DCDC2: variants seen among roughly 807,000 people sequenced by gnomAD.
DCDC2 encodes doublecortin domain-containing protein 2.
Under a neutral mutation model 50.2 loss-of-function variants are expected in DCDC2, and 40 were observed. That is an observed-to-expected ratio of 0.80 (90% CI 0.62 to 1.04). The LOEUF (loss-of-function observed/expected upper bound fraction) is 1.04. Ranked by LOEUF, DCDC2 falls within the 50% of genes least tolerant of loss-of-function variation. The probability of loss-of-function intolerance (pLI) is 0.00; values close to 1 mark genes in which losing one functional copy is unlikely to be tolerated. For missense variants in DCDC2, 570 were observed against 581.9 expected (o/e 0.98, Z 0.21); for synonymous variants, 234 against 210.6 (o/e 1.11, Z -0.96).
At chr6:24,189,033 ATAAG>A (rs1761260869) in intron 8 of DCDC2, among the ~76,000 whole-genome samples, 1 of 152,136 alleles carries the variant, frequency 6.6e-6, no homozygotes, top group Non-Finnish European at 1.5e-5. Flanking sequence ...ATTATTAATT[ATAAG>A]TAATTGCTCG....
intron 2 of DCDC2, among the ~76,000 whole-genome samples, chr6:24,305,097 G>A (rs554618960): frequency 1.1e-3 from 175 of 152,216 alleles, no homozygotes; most frequent in Admixed American, 2.2e-3. Flanking sequence ...TTGTTGCATT[G>A]TCTAAAACAT....
At chr6:24,199,614 G>T (rs1276550363) in intron 8 of DCDC2, among the ~76,000 whole-genome samples, 1 of 152,114 alleles carries the variant, frequency 6.6e-6, no homozygotes, top group Non-Finnish European at 1.5e-5. Flanking sequence ...TCCTCCAAAG[G>T]ATCACAACTC....
intron 2 of DCDC2, among the ~76,000 whole-genome samples, chr6:24,344,916 A>G (rs554453620): frequency 1.8e-3 from 269 of 152,304 alleles, no homozygotes; most frequent in African/African-American, 6.2e-3. Flanking sequence ...GTGGTGGGGG[A>G]AAAGGTATAA....
At chr6:24,240,903 TG>T (rs1188818383) in intron 7 of DCDC2, among the ~76,000 whole-genome samples, 5 of 152,234 alleles carry the variant, frequency 3.3e-5, no homozygotes, top group Non-Finnish European at 5.9e-5. Flanking sequence ...AATGGGCTCC[TG>T]GCTTGTGCAC....
chr6:24,319,187 G>A (rs1161705458), intron 2 of DCDC2, among the ~76,000 whole-genome samples: 1 of 151,962 alleles, frequency 6.6e-6, no homozygotes, highest in Non-Finnish European at 1.5e-5. Flanking sequence ...GATCAGTGAC[G>A]TTGAGCAGTT....
intron 2 of DCDC2, among the ~76,000 whole-genome samples, chr6:24,345,715 T>A (rs1760242553): frequency 1.3e-5 from 2 of 152,326 alleles, no homozygotes; most frequent in South Asian, 4.1e-4. Context: ...TTGAATTAGG[T>A]GAGCTTGACC....
At chr6:24,328,437 G>A (rs942937839) in intron 2 of DCDC2, among the ~76,000 whole-genome samples, 1 of 151,640 alleles carries the variant, frequency 6.6e-6, no homozygotes, top group African/African-American at 2.4e-5. Flanking sequence ...GAATATCTTA[G>A]GGCACAGGGG....
chr6:24,344,937 T>G (rs929435564), intron 2 of DCDC2, among the ~76,000 whole-genome samples: 4 of 152,212 alleles, frequency 2.6e-5, no homozygotes, highest in Non-Finnish European at 4.4e-5. Context: ...AATAAAAGTT[T>G]GGGGAGGGGC....
chr6:24,222,325 G>C (rs1451807412), intron 7 of DCDC2, among the ~76,000 whole-genome samples: 1 of 152,196 alleles, frequency 6.6e-6, no homozygotes, highest in Non-Finnish European at 1.5e-5. Context: ...GAACAGTCAA[G>C]AACTTTACCT....
At chr6:24,348,661 A>G (rs922537313) in intron 2 of DCDC2, among the ~76,000 whole-genome samples, 1 of 152,190 alleles carries the variant, frequency 6.6e-6, no homozygotes, top group Non-Finnish European at 1.5e-5. Flanking sequence ...ACTTTCTCAA[A>G]ACTTTGATCT....
chr6:24,359,355 A>ATATATATTT (rs1561789478), upstream of DCDC2, among the ~76,000 whole-genome samples: 2 of 33,500 alleles, frequency 6.0e-5, no homozygotes, highest in Admixed American at 5.2e-4. Flanking sequence ...TATATATTTT[A>ATATATATTT]TGTATATTAT....
rs9467097 is a variant in DCDC2 at position 24,276,768 on chromosome 6, C to T, written c.922+1281G>A. 1.2e-3 allele frequency among the ~76,000 whole-genome samples: 178 copies of T among 151,740 alleles called. 1 individual carries two copies. The highest frequency in any genetic ancestry group is 3.9e-3 in the African/African-American group (162 of 41,368). The stretch of plus-strand genomic sequence containing the variant: ...CCCTAGCCTCCTTGTTTGCTACTCA[C>T]GGGAAAGGACTGTACAAATTTCAAG... On this transcript the variant is annotated intron_variant, in intron 7 of 9. Coordinates refer to ENST00000378454, the MANE Select transcript of DCDC2 (RefSeq NM_016356.5).
intron 2 of DCDC2, among the ~76,000 whole-genome samples, chr6:24,306,931 T>C (rs555700812): frequency 1.3e-5 from 2 of 152,328 alleles, no homozygotes; most frequent in East Asian, 3.9e-4. Context: ...TCAAAATTGT[T>C]CCTTTAAAAA....
the DCDC2 span, among the ~76,000 whole-genome samples, chr6:24,376,681 C>T: frequency 3.5e-5 from 5 of 142,894 alleles, no homozygotes; most frequent in African/African-American, 5.4e-5. Flanking sequence ...CCCATTTTAC[C>T]TCCAGTATGA....
At chr6:24,192,708 A>AT (rs1761340667) in intron 8 of DCDC2, among the ~76,000 whole-genome samples, 2 of 151,830 alleles carry the variant, frequency 1.3e-5, no homozygotes, top group South Asian at 2.1e-4. Flanking sequence ...TGAGGCTTTT[A>AT]TTTTTTTTCA....
chr6:24,317,674 T>C (rs987633618), intron 2 of DCDC2, among the ~76,000 whole-genome samples: 51 of 151,734 alleles, frequency 3.4e-4, no homozygotes, highest in African/African-American at 1.2e-3. Context: ...CATTTTTCCA[T>C]GACAAAAAAA....
chr6:24,363,344 TA>T, the DCDC2 span, among the ~76,000 whole-genome samples: 3 of 151,716 alleles, frequency 2.0e-5, no homozygotes, highest in Admixed American at 6.6e-5. Flanking sequence ...AACAAAAAAC[TA>T]AAAAAATTAT....
chr6:24,276,521 AATT>A (rs1671065682), intron 7 of DCDC2, among the ~76,000 whole-genome samples: 1 of 152,130 alleles, frequency 6.6e-6, no homozygotes, highest in South Asian at 2.1e-4. Context: ...CACTCAACAT[AATT>A]ATTAAGTGCC....
At chr6:24,235,662 C>T (rs148027254) in intron 7 of DCDC2, among the ~76,000 whole-genome samples, 61 of 152,218 alleles carry the variant, frequency 4.0e-4, no homozygotes, top group African/African-American at 1.3e-3. Context: ...AAATAACTAG[C>T]GCCATTTATG....
Sources: gnomAD v4.1 joint callset for allele counts (sites outside exome capture counted in the v4.1 genomes callset) on GRCh38, gnomAD v4.1.1 for gene constraint, MANE v1.5 for transcripts, NCBI Gene and HGNC (gene_info 2026-07-23, HGNC 2026-07-21) for gene names.